The following ZNF721 variants were observed in gnomAD, a reference collection of about 807,000 sequenced individuals.
The protein encoded by ZNF721 is zinc finger protein 721.
Under a neutral mutation model 2.4 loss-of-function variants are expected in ZNF721, and 2 were observed. The observed-to-expected ratio is 0.82, with a 90% CI of 0.34 to 2.58. The LOEUF (loss-of-function observed/expected upper bound fraction) is 2.58, where lower values mean the gene tolerates loss of function less well. ZNF721 is among the 30% of genes most tolerant of loss of function. The probability of loss-of-function intolerance (pLI) is 0.11; values close to 1 mark genes in which losing one functional copy is unlikely to be tolerated. For missense variants in ZNF721, 1,187 were observed against 1,085.5 expected (o/e 1.09, Z -1.31); for synonymous variants, 398 against 381.8 (o/e 1.04, Z -0.50).
intron 2 of ZNF721, among the ~76,000 whole-genome samples, chr4:462,519 G>C (rs921786911): frequency 5.3e-5 from 8 of 152,060 alleles, no homozygotes; most frequent in Non-Finnish European, 1.0e-4. Flanking sequence ...AAGGCTACAG[G>C]AACCAAAACA....
chr4:485,654 A>G (rs1374541783), intron 1 of ZNF721, among the ~76,000 whole-genome samples: 1 of 152,240 alleles, frequency 6.6e-6, no homozygotes, highest in Non-Finnish European at 1.5e-5. Flanking sequence ...AATCACCTGG[A>G]GAGCCTAAAA....
rs540300813 is a variant in ZNF721 at position 499,133 on chromosome 4, A to T, written c.-171T>A. 3.6e-5 allele frequency: 21 copies of T among 588,022 alleles called. No individual in the cohort carries two copies. The highest frequency in any genetic ancestry group is 5.5e-5 in the Non-Finnish European group (19 of 344,900). The allele number at this position is 588,022 out of a possible 1,614,324, so 36.4% of individuals were successfully genotyped here. A position where few individuals can be genotyped will look rare whatever the true frequency, so the allele number is the denominator to read the frequency against. On this transcript the variant is annotated 5_prime_UTR_variant, in exon 1 of 3. Transcript: ENST00000511833. ...GCCGGGAACACCGCCCGCTGTTCGTATGTCCGAGGTGACGCCCCGCTGTGG... is the reference window on the plus strand; with the variant it reads ...GCCGGGAACACCGCCCGCTGTTCGTTTGTCCGAGGTGACGCCCCGCTGTGG...
Position 444,210 on chromosome 4 carries a change from C to A in ZNF721, c.257G>T (p.Arg86Leu), listed in dbSNP as rs138616762. 1.3e-5 allele frequency: 21 copies of A among 1,613,394 alleles called. No individual in the cohort carries two copies. The highest frequency in any genetic ancestry group is 1.7e-5 in the Non-Finnish European group (20 of 1,179,622). ...TQSKIFQCNA[R>L]VKVFSKFANS... ...TGCAAATTTACTAAAAACTTTGACACGTGCATTACATTGAAATATTTTGCT... is the reference window on the plus strand; with the variant it reads ...TGCAAATTTACTAAAAACTTTGACAAGTGCATTACATTGAAATATTTTGCT... The change falls in exon 3 of 3, where the codon CGT becomes CTT. Residue 86 changes from arginine to leucine, a missense_variant. Arg to Leu is a moderately radical substitution (Grantham distance 102). Transcript: ENST00000511833.
In ZNF721 at chr4:442,626, T is replaced by C. The variant is rs782619628; in HGVS notation, c.1841A>G (p.Lys614Arg). 15 of 1,613,706 alleles carry C rather than the reference T, an allele frequency of 9.3e-6. No individual in the cohort carries two copies. In the African/African-American group the frequency reaches 1.6e-4, roughly 17 times the overall value. The stretch of plus-strand genomic sequence containing the variant: ...AAAGTCTTTGCCACACTCTTCACAT[T>C]TGTAAAGTTTCTCTCCAGTATGAAT... Reference protein sequence around the residue: ...KKIHTGEKLYKCEECGKDFVW... With the variant: ...KKIHTGEKLYRCEECGKDFVW... Residue 614 changes from lysine to arginine, a missense_variant, in exon 3 of 3, where the codon AAA (lysine) becomes AGA (arginine). Coordinates refer to ENST00000511833, the MANE Select transcript of ZNF721 (RefSeq NM_133474.4).
chr4:441,616 T>G lies in ZNF721; in HGVS notation c.*79A>C, dbSNP rs1714237844. On this transcript the variant is annotated 3_prime_UTR_variant, in exon 3 of 3. Coordinates refer to ENST00000511833, the MANE Select transcript of ZNF721 (RefSeq NM_133474.4). ...TTTAAAGACCGCGACATTCGTCACC[T>G]TCGTAAGACATTCCCCTGGTATGAG... 7 of 1,234,330 alleles carry G rather than the reference T, an allele frequency of 5.7e-6. No individual in the cohort carries two copies. The highest frequency in any genetic ancestry group is 7.8e-6 in the Non-Finnish European group (7 of 899,328). 76.5% of individuals were successfully genotyped at this position (1,234,330 alleles called of 1,614,324 possible).
chr4:441,986 A>G lies in ZNF721; in HGVS notation c.2481T>C (p.His827=), dbSNP rs555536667. Residue 827 remains histidine, a synonymous_variant, in exon 3 of 3, where the codon CAT becomes CAC. Transcript: ENST00000511833. The stretch of plus-strand genomic sequence containing the variant: ...GTTTCTCTCCAGTATGAATTCTCCT[A>G]TGTTTAGTAAGGGTTGTGGAACTAG... ...AFTSSTTLTK[H]RRIHTGEKPY... is the part of the protein sequence containing the mutation. The G allele has an allele frequency of 1.6e-5, 26 of 1,613,568 alleles. No homozygotes were observed. The South Asian group carries it at 1.6e-4, about 10-fold the overall frequency.
At chr4:456,504 T>A (rs1255905612) in intron 2 of ZNF721, among the ~76,000 whole-genome samples, 1 of 151,700 alleles carries the variant, frequency 6.6e-6, no homozygotes, top group Non-Finnish European at 1.5e-5. Flanking sequence ...AACCTAATGA[T>A]TTTTATTTGA....
intron 2 of ZNF721, among the ~76,000 whole-genome samples, chr4:457,958 A>C (rs1553865584): frequency 6.6e-6 from 1 of 152,172 alleles, no homozygotes; most frequent in African/African-American, 2.4e-5. Flanking sequence ...TGAACCCAAA[A>C]ACAGACCTGA....
intron 2 of ZNF721, among the ~76,000 whole-genome samples, chr4:448,442 CA>C (rs35367332): frequency 0.2 from 24,710 of 122,950 alleles, 2,411 homozygotes; most frequent in Middle Eastern, 0.26. Flanking sequence ...TATCCCCCCC[CA>C]AAAAAAAAAA....
intron 1 of ZNF721, among the ~76,000 whole-genome samples, chr4:496,050 T>G (rs1186585997): frequency 6.6e-6 from 1 of 152,236 alleles, no homozygotes; most frequent in African/African-American, 2.4e-5. Context: ...GGCGTTGTTA[T>G]GTAAATAAAA....
chr4:468,185 T>G (rs1715315558), intron 2 of ZNF721, among the ~76,000 whole-genome samples: 1 of 151,552 alleles, frequency 6.6e-6, no homozygotes, highest in South Asian at 2.1e-4. Context: ...GAGAATGGCA[T>G]GAACCCAGCA....
chr4:442,487 C>T lies in ZNF721; in HGVS notation c.1980G>A (p.Thr660=), dbSNP rs781858942. The T allele has an allele frequency of 2.6e-5, 42 of 1,612,904 alleles. 1 individual carries two copies. The highest frequency in any genetic ancestry group is 2.4e-4 in the South Asian group (22 of 91,020). ...AACTTTGCTCTCCAGTAAGAATTTT[C>T]GTGTGTTGATTCAGGTCTGTTGATG... is the stretch of plus-strand genomic sequence containing the variant. The part of the protein sequence containing the change: ...FAPSTDLNQH[T]KILTGEQSYK... Residue 660 remains threonine (T), a synonymous_variant, in exon 3 of 3, where the codon ACG becomes ACA. Coordinates refer to ENST00000511833, the MANE Select transcript of ZNF721 (RefSeq NM_133474.4).
intron 2 of ZNF721, among the ~76,000 whole-genome samples, chr4:459,658 C>G (rs754068714): frequency 6.6e-6 from 1 of 151,954 alleles, no homozygotes; most frequent in Non-Finnish European, 1.5e-5. Context: ...GGTGAAACCC[C>G]GTCTCTACTA....
intron 2 of ZNF721, among the ~76,000 whole-genome samples, chr4:448,935 C>T (rs1427285327): frequency 6.6e-6 from 1 of 151,700 alleles, no homozygotes; most frequent in Non-Finnish European, 1.5e-5. Flanking sequence ...AAATTAAGTA[C>T]AGTAAAGATA....
chr4:440,396 T>A lies in ZNF721; in HGVS notation c.*1299A>T, dbSNP rs1198484766. On this transcript the variant is annotated 3_prime_UTR_variant, in exon 3 of 3. Coordinates refer to ENST00000511833, the MANE Select transcript of ZNF721 (RefSeq NM_133474.4). ...TTGAATTATTTGCTTTTGAAAAAAA[T>A]TTTTACTTTTTTCAAGTGAAAAAAT... The A allele has an allele frequency of 1.3e-5, 2 of 152,084 alleles. No homozygotes were observed. The highest frequency in any genetic ancestry group is 6.5e-5 in the Admixed American group (1 of 15,270). 9.4% of individuals were successfully genotyped at this position (152,084 alleles called of 1,614,324 possible). A position where few individuals can be genotyped will look rare whatever the true frequency, so the allele number is the denominator to read the frequency against.
intron 1 of ZNF721, among the ~76,000 whole-genome samples, chr4:490,177 G>A (rs1166864280): frequency 1.4e-5 from 2 of 145,408 alleles, no homozygotes; most frequent in Admixed American, 1.4e-4. Flanking sequence ...GATACAGTAA[G>A]TTAAAATTAT....
At chr4:449,610 A>G (rs1714584061) in intron 2 of ZNF721, among the ~76,000 whole-genome samples, 1 of 152,206 alleles carries the variant, frequency 6.6e-6, no homozygotes, top group Admixed American at 6.5e-5. Context: ...AATGCTTTGC[A>G]TAGCAAAGAC....
chr4:493,229 A>G (rs1716069813), intron 1 of ZNF721, among the ~76,000 whole-genome samples: 1 of 152,084 alleles, frequency 6.6e-6, no homozygotes. Flanking sequence ...TAACCTCCAA[A>G]CTGTCCTTGT....
intron 1 of ZNF721, among the ~76,000 whole-genome samples, chr4:477,062 A>G (rs1438244910): frequency 2.0e-5 from 3 of 151,860 alleles, no homozygotes; most frequent in Non-Finnish European, 2.9e-5. Flanking sequence ...CACTAAATCT[A>G]CTAACCAGGT....
Sources: allele counts gnomAD v4.1 joint callset (sites outside exome capture counted in the v4.1 genomes callset), GRCh38; gene constraint gnomAD v4.1.1; transcripts MANE v1.5; gene names NCBI Gene and HGNC (gene_info 2026-07-23, HGNC 2026-07-21).